Variants in EXOC4 observed in about 807,000 individuals in gnomAD.
The protein encoded by EXOC4 is exocyst complex component 4.
A neutral mutation model predicts 107.2 loss-of-function variants in EXOC4; 71 were observed. The ratio of observed to expected loss-of-function variants is 0.66; its 90% CI spans 0.55 to 0.81. The LOEUF (loss-of-function observed/expected upper bound fraction) is 0.81, where lower values mean the gene tolerates loss of function less well. Among genes scored for constraint, EXOC4 ranks in the 30% least tolerant of loss-of-function variants. The pLI is 0.00. For synonymous variants in EXOC4, 456 were observed against 441.2 expected (o/e 1.03, Z -0.42); for missense variants, 1,108 against 1,189.6 (o/e 0.93, Z 1.01).
At chr7:133,669,395 A>C (rs1414685542) in intron 10 of EXOC4, among the ~76,000 whole-genome samples, 3 of 152,198 alleles carry the variant, frequency 2.0e-5, no homozygotes, top group Non-Finnish European at 2.9e-5. Flanking sequence ...AAACAATGCT[A>C]GCTTTTTGGC....
chr7:133,997,664 A>T, intron 15 of EXOC4, 31 bp downstream of exon 15: 2 of 1,604,680 alleles, frequency 1.2e-6, no homozygotes, highest in South Asian at 2.2e-5. Context: ...GGACCTTGCA[A>T]TTTGAATGCA....
chr7:133,443,685 C>T (rs905465911), intron 7 of EXOC4, among the ~76,000 whole-genome samples: 3 of 152,076 alleles, frequency 2.0e-5, no homozygotes, highest in African/African-American at 7.2e-5. Context: ...CAAAGGTTCT[C>T]CCATTTTCCT....
chr7:133,888,275 T>C (rs959050650), intron 11 of EXOC4, among the ~76,000 whole-genome samples: 3 of 152,208 alleles, frequency 2.0e-5, no homozygotes, highest in Non-Finnish European at 4.4e-5. Context: ...ATAATCTGTA[T>C]TTAAGCATAA....
At chr7:133,680,181 A>AT (rs1450623494) in intron 10 of EXOC4, among the ~76,000 whole-genome samples, 1 of 152,162 alleles carries the variant, frequency 6.6e-6, no homozygotes, top group Non-Finnish European at 1.5e-5. Flanking sequence ...AATGAAATAA[A>AT]TTTTGTCTCA....
At chr7:133,711,238 T>C (rs1794887041) in intron 10 of EXOC4, among the ~76,000 whole-genome samples, 1 of 152,254 alleles carries the variant, frequency 6.6e-6, no homozygotes, top group African/African-American at 2.4e-5. Context: ...GCCTGGCTTC[T>C]TTCTTATTGC....
intron 14 of EXOC4, among the ~76,000 whole-genome samples, chr7:133,990,789 AT>A (rs1794237028): frequency 6.6e-6 from 1 of 152,112 alleles, no homozygotes; most frequent in Admixed American, 6.5e-5. Flanking sequence ...ATAATATTCC[AT>A]TGTGTATATC....
At chr7:133,503,942 T>C (rs1251773550) in intron 9 of EXOC4, among the ~76,000 whole-genome samples, 1 of 152,054 alleles carries the variant, frequency 6.6e-6, no homozygotes, top group African/African-American at 2.4e-5. Flanking sequence ...TACAAAATGC[T>C]ATTGTTACAT....
At chr7:133,920,241 G>T (rs1478835340) in intron 13 of EXOC4, among the ~76,000 whole-genome samples, 2 of 152,128 alleles carry the variant, frequency 1.3e-5, no homozygotes, top group Non-Finnish European at 2.9e-5. Context: ...GGGTGTTCTT[G>T]TTCAGTTTTA....
At chr7:134,022,291 AG>A (rs1795047732) in intron 17 of EXOC4, among the ~76,000 whole-genome samples, 1 of 152,188 alleles carries the variant, frequency 6.6e-6, no homozygotes, top group Admixed American at 6.5e-5. Flanking sequence ...CCAGGGATAT[AG>A]GTATTGAAAT....
intron 12 of EXOC4, among the ~76,000 whole-genome samples, chr7:133,915,162 G>T (rs1799778307): frequency 6.6e-6 from 1 of 152,204 alleles, no homozygotes; most frequent in South Asian, 2.1e-4. Context: ...GTCAATTAGT[G>T]CAGGCTGCTC....
chr7:133,839,094 C>T (rs1416055619), intron 11 of EXOC4, among the ~76,000 whole-genome samples: 1 of 152,150 alleles, frequency 6.6e-6, no homozygotes, highest in East Asian at 1.9e-4. Flanking sequence ...AGTCAATTAA[C>T]AAGATACCTT....
intron 10 of EXOC4, among the ~76,000 whole-genome samples, chr7:133,758,450 C>T (rs763683510): frequency 1.2e-4 from 19 of 152,102 alleles, no homozygotes; most frequent in Non-Finnish European, 2.1e-4. Context: ...ATAGTTTATT[C>T]CTTGAATTGA....
rs1796143922 is a variant in EXOC4, at chr7:134,064,610, G to C, written c.*82G>C. The C allele has an allele frequency of 1.1e-6, 1 of 946,380 alleles. No homozygotes were observed. Among genetic ancestry groups the C allele is most frequent in the African/African-American group, 1.7e-5 (1 of 60,502 alleles). 58.6% of individuals were successfully genotyped at this position (946,380 alleles called of 1,614,324 possible). On this transcript the variant is annotated 3_prime_UTR_variant, in exon 18 of 18. Coordinates refer to ENST00000253861, the MANE Select transcript of EXOC4 (RefSeq NM_021807.4). ...TGGTATGTTATTGAGTATATTCTGA[G>C]CTTAGTTTTCTCTACAGTGATACTT...
intron 2 of EXOC4, among the ~76,000 whole-genome samples, chr7:133,281,355 A>G (rs1794135270): frequency 6.6e-6 from 1 of 150,584 alleles, no homozygotes; most frequent in African/African-American, 2.4e-5. Flanking sequence ...TATCATTAAA[A>G]GTCCAGAAAA....
chr7:133,336,558 G>T (rs1303792750), intron 5 of EXOC4, among the ~76,000 whole-genome samples: 2 of 151,876 alleles, frequency 1.3e-5, no homozygotes, highest in Non-Finnish European at 2.9e-5. Flanking sequence ...TGTTATCAGT[G>T]TTGTTTAATT....
intron 7 of EXOC4, among the ~76,000 whole-genome samples, chr7:133,446,835 T>C (rs1379900034): frequency 6.6e-6 from 1 of 152,166 alleles, no homozygotes. Context: ...TTTGCAACTA[T>C]TTTGAGGATG....
At chr7:133,914,436 C>G (rs1408807994) in intron 12 of EXOC4, among the ~76,000 whole-genome samples, 1 of 152,068 alleles carries the variant, frequency 6.6e-6, no homozygotes, top group African/African-American at 2.4e-5. Flanking sequence ...ATGCAAAGAA[C>G]TGTTTCATTC....
chr7:133,307,537 T>C (rs969088527), intron 4 of EXOC4, among the ~76,000 whole-genome samples: 1 of 152,172 alleles, frequency 6.6e-6, no homozygotes, highest in African/African-American at 2.4e-5. Flanking sequence ...ACATTTATTT[T>C]AAAAAAATTT....
rs138541141 is a variant in EXOC4, at chr7:133,345,153, T to A, written c.764-11177T>A. 9.3e-3 allele frequency among the ~76,000 whole-genome samples: 1,411 copies of A among 152,292 alleles called. 13 individuals are homozygous for A. Among genetic ancestry groups the A allele is most frequent in the Middle Eastern group, 0.027 (8 of 294 alleles). On this transcript the variant is annotated intron_variant, in intron 5 of 17. Transcript: ENST00000253861. ...TTTAACTATTTTTCTTCATTTTGAG[T>A]TTTGATGTTACATTTTGTCACATTA...
Sources: allele counts gnomAD v4.1 joint callset (sites outside exome capture counted in the v4.1 genomes callset), GRCh38; gene constraint gnomAD v4.1.1; transcripts MANE v1.5; gene names NCBI Gene and HGNC (gene_info 2026-07-23, HGNC 2026-07-21).